MAP3K19: variants seen among roughly 807,000 people sequenced by gnomAD.
MAP3K19 encodes SPS1/STE20-related protein kinase YSK4.
Under a neutral mutation model 114.4 loss-of-function variants are expected in MAP3K19, and 91 were observed. The observed-to-expected ratio is 0.80, with a 90% confidence interval of 0.67 to 0.95. The LOEUF (loss-of-function observed/expected upper bound fraction) is 0.95. Among genes scored for constraint, MAP3K19 ranks in the 40% least tolerant of loss-of-function variants. The pLI, the probability that MAP3K19 is intolerant of heterozygous loss-of-function variation, is 0.00. For missense variants in MAP3K19, 1,471 were observed against 1,573.2 expected (o/e 0.94, Z 1.10); for synonymous variants, 518 against 530.5 (o/e 0.98, Z 0.32).
At chr2:134,992,860 T>C (rs879719700) in intron 8 of MAP3K19, among the ~76,000 whole-genome samples, 8 of 152,070 alleles carry the variant, frequency 5.3e-5, no homozygotes, top group Admixed American at 4.6e-4. Context: ...TTTTATTTTT[T>C]AGTAGACACG....
chr2:134,985,782 G>T lies in MAP3K19; in HGVS notation c.3072+18C>A, dbSNP rs774713561. ...GTCCTTCCCACCCCAATGAATCTTG[G>T]ATTCTAATTATACCAACCTGTATTT... On this transcript the variant is annotated intron_variant, in intron 10 of 12. Coordinates refer to ENST00000392915, the MANE Select transcript of MAP3K19 (RefSeq NM_025052.5). 2 of 1,565,204 alleles carry T rather than the reference G, an allele frequency of 1.3e-6. No individual in the cohort carries two copies. The highest frequency in any genetic ancestry group is 1.7e-6 in the Non-Finnish European group (2 of 1,158,532).
Position 134,999,230 on chromosome 2 carries a change from G to A in MAP3K19, c.315-233C>T, listed in dbSNP as rs529625386. 7.9e-5 allele frequency among the ~76,000 whole-genome samples: 12 copies of A among 152,242 alleles called. No individual in the cohort carries two copies. Among genetic ancestry groups the A allele is most frequent in the East Asian group, 3.9e-4 (2 of 5,186 alleles). ...ATGGATTAGGTTTCAGCTCACTCTC[G>A]TTTTCCCAATCACCATTTCCTTGCA... On this transcript the variant is annotated intron_variant, in intron 7 of 12. Transcript: ENST00000392915. The surrounding 1 kb of genome is among the most constrained non-coding windows in gnomAD (Gnocchi z 4.1).
chr2:134,989,228 C>A (rs1036721277), intron 9 of MAP3K19, among the ~76,000 whole-genome samples: 1 of 152,116 alleles, frequency 6.6e-6, no homozygotes, highest in Non-Finnish European at 1.5e-5. Context: ...TTAAACTTTG[C>A]GGGCAGTAAG....
intron 3 of MAP3K19, among the ~76,000 whole-genome samples, chr2:135,028,685 CTG>C (rs1297206681): frequency 5.3e-5 from 8 of 152,042 alleles, no homozygotes; most frequent in Non-Finnish European, 2.9e-5. Flanking sequence ...TAATTCAAAA[CTG>C]AAAAGCTACC....
chr2:135,018,210 G>A (rs867232828), intron 5 of MAP3K19, among the ~76,000 whole-genome samples: 2 of 137,568 alleles, frequency 1.5e-5, no homozygotes, highest in African/African-American at 5.5e-5. Context: ...ACAATCACTT[G>A]AACCCGGGCA....
chr2:135,027,956 C>T (rs980484295), intron 3 of MAP3K19, among the ~76,000 whole-genome samples: 4 of 152,000 alleles, frequency 2.6e-5, no homozygotes, highest in Admixed American at 2.6e-4. Context: ...ATCAAATCAC[C>T]CTGATAAATT....
Position 134,988,146 on chromosome 2 carries a change from T to C in MAP3K19, c.726A>G (p.Thr242=), listed in dbSNP as rs746390361. The C allele has an allele frequency of 6.2e-7, 1 of 1,614,046 alleles. No individual in the cohort carries two copies. The highest frequency in any genetic ancestry group is 2.2e-5 in the East Asian group (1 of 44,884). ...KEKERNIPSL[T]SFVPKLSVSV... ...ACACTGAGAGCTTAGGCACAAAAGATGTGAGACTTGGAATGTTTCTTTCTT... is the reference window on the plus strand; with the variant it reads ...ACACTGAGAGCTTAGGCACAAAAGACGTGAGACTTGGAATGTTTCTTTCTT... The change falls in exon 10 of 13, where the codon ACA becomes ACG. Residue 242 remains threonine (T), a synonymous_variant. Coordinates refer to ENST00000392915, the MANE Select transcript of MAP3K19 (RefSeq NM_025052.5).
intron 1 of MAP3K19, among the ~76,000 whole-genome samples, chr2:135,045,556 T>C (rs1688726281): frequency 6.6e-6 from 1 of 152,160 alleles, no homozygotes; most frequent in African/African-American, 2.4e-5. Context: ...AGGCAAGAAA[T>C]AGATATTTAT....
chr2:135,021,063 T>A (rs1185800301), intron 5 of MAP3K19, among the ~76,000 whole-genome samples: 1 of 152,158 alleles, frequency 6.6e-6, no homozygotes, highest in Non-Finnish European at 1.5e-5. Flanking sequence ...TGAAACAATA[T>A]TCTGTGGTAC....
rs760574800 is a variant in MAP3K19 at position 134,986,099 on chromosome 2, G to A, written c.2773C>T (p.His925Tyr). 6 of 1,613,968 alleles carry A rather than the reference G, an allele frequency of 3.7e-6. No homozygotes were observed. Among genetic ancestry groups the A allele is most frequent in the Non-Finnish European group, 5.1e-6 (6 of 1,179,938 alleles). ...GCTAAACTATCATGATCCAAATAATGTACCCAATATTGATATGTCTGGGAA... is the reference window on the plus strand; with the variant it reads ...GCTAAACTATCATGATCCAAATAATATACCCAATATTGATATGTCTGGGAA... ...ASSQTYQYWV[H>Y]YLDHDSLANK... Residue 925 changes from histidine (H) to tyrosine (Y), a missense_variant, in exon 10 of 13, where the codon CAT (histidine) becomes TAT (tyrosine). Transcript: ENST00000392915.
chr2:135,042,300 A>G (rs1045282337), intron 1 of MAP3K19, among the ~76,000 whole-genome samples: 4 of 151,764 alleles, frequency 2.6e-5, no homozygotes, highest in African/African-American at 9.7e-5. Flanking sequence ...CAGGAGATTG[A>G]GACCATTCTG....
At chr2:135,005,584 T>C in intron 5 of MAP3K19, 53 bp from the exon 6 acceptor site, 2 of 1,386,912 alleles carry the variant, frequency 1.4e-6, no homozygotes, top group Non-Finnish European at 2.0e-6. Context: ...ATGTACCAGT[T>C]TGTTGGCAGA....
intron 12 of MAP3K19, among the ~76,000 whole-genome samples, chr2:134,972,543 C>G (rs1371693981): frequency 6.6e-6 from 1 of 152,002 alleles, no homozygotes; most frequent in Non-Finnish European, 1.5e-5. Context: ...ACTGCAGTCT[C>G]GAACTCTTGG....
chr2:135,039,662 C>CT (rs957556902), intron 2 of MAP3K19, among the ~76,000 whole-genome samples: 1 of 152,144 alleles, frequency 6.6e-6, no homozygotes, highest in African/African-American at 2.4e-5. Flanking sequence ...TAAAATTTGT[C>CT]TTTTCCAGCC....
At chr2:135,029,387 C>G (rs1013290098) in intron 3 of MAP3K19, among the ~76,000 whole-genome samples, 2 of 151,904 alleles carry the variant, frequency 1.3e-5, no homozygotes, top group Non-Finnish European at 2.9e-5. Context: ...AACAAATAAA[C>G]AAACAAACAA....
At chr2:134,983,543 C>A in intron 11 of MAP3K19, 133 bp downstream of exon 11, 1 of 650,862 alleles carries the variant, frequency 1.5e-6, no homozygotes, top group Non-Finnish European at 2.6e-6. Context: ...CTGTTACTTC[C>A]AACTGAAAGA....
intron 5 of MAP3K19, among the ~76,000 whole-genome samples, chr2:135,007,577 A>G (rs1686923002): frequency 6.9e-6 from 1 of 145,342 alleles, no homozygotes; most frequent in Non-Finnish European, 1.5e-5. Flanking sequence ...CATTCTTTCT[A>G]GCTATTTTTT....
intron 5 of MAP3K19, among the ~76,000 whole-genome samples, chr2:135,017,772 A>G (rs1687676658): frequency 6.6e-6 from 1 of 152,184 alleles, no homozygotes; most frequent in Admixed American, 6.6e-5. Flanking sequence ...TCCATGCTGC[A>G]AAATCATTTC....
rs1684643877 is a variant in MAP3K19, at chr2:134,981,348, C to A, written c.3393G>T (p.Leu1131Phe). The A allele has an allele frequency of 1.2e-6, 2 of 1,614,198 alleles. No homozygotes were observed. The highest frequency in any genetic ancestry group is 2.2e-5 in the South Asian group (2 of 91,084). Residue 1131 changes from leucine to phenylalanine, a missense_variant, in exon 12 of 13, where the codon TTG (leucine) becomes TTT (phenylalanine). Coordinates refer to ENST00000392915, the MANE Select transcript of MAP3K19 (RefSeq NM_025052.5). ...VNIVAYLGTC[L>F]QENTVSIFME... is the part of the protein sequence containing the mutation. ...TGAAAATGCTCACAGTGTTCTCTTG[C>A]AAGCATGTCCCCAAATAGGCCACAA... is the stretch of plus-strand genomic sequence containing the variant.
Sources: gnomAD v4.1 joint callset for allele counts (sites outside exome capture counted in the v4.1 genomes callset) on GRCh38, gnomAD v4.1.1 for gene constraint, Gnocchi (gnomAD v3.1) non-coding constraint, MANE v1.5 for transcripts, NCBI Gene and HGNC (gene_info 2026-07-23, HGNC 2026-07-21) for gene names.